The following POF1B variants were observed in gnomAD, a reference collection of about 807,000 sequenced individuals.
POF1B encodes protein POF1B.
POF1B carries 53 observed loss-of-function variants against 55.3 expected under a neutral mutation model. The observed-to-expected ratio is 0.96, with a 90% CI of 0.77 to 1.20. The LOEUF (loss-of-function observed/expected upper bound fraction) is 1.20, where lower values mean the gene tolerates loss of function less well. POF1B is among the 50% of genes most tolerant of loss of function. The pLI, the probability that POF1B is intolerant of heterozygous loss-of-function variation, is 0.00. For synonymous variants in POF1B, 188 were observed against 148.3 expected (o/e 1.27, Z -1.95); for missense variants, 478 against 420.5 (o/e 1.14, Z -1.20).
chrX:85,339,828 T>G (rs1933139728), intron 6 of POF1B, among the ~76,000 whole-genome samples: 1 of 111,474 alleles, frequency 9.0e-6, no homozygotes, highest in African/African-American at 3.3e-5. Flanking sequence ...AGAAGTTTGC[T>G]GAAGGTATAG....
At chrX:85,307,927 TTTCA>T (rs1406912679) in intron 10 of POF1B, among the ~76,000 whole-genome samples, 193 bp downstream of exon 10, 2 of 111,820 alleles carry the variant, frequency 1.8e-5, no homozygotes, top group Non-Finnish European at 3.8e-5. Flanking sequence ...TCCAACATTC[TTTCA>T]TTTATACTTT....
chrX:85,364,328 G>C (rs1933678961), intron 3 of POF1B, among the ~76,000 whole-genome samples: 1 of 111,266 alleles, frequency 9.0e-6, no homozygotes, highest in African/African-American at 3.3e-5. Context: ...TGTTTGTGTG[G>C]CTGCTTTATA....
At chrX:85,374,753 C>T (rs1433677563) in intron 2 of POF1B, among the ~76,000 whole-genome samples, 1 of 111,897 alleles carries the variant, frequency 8.9e-6, no homozygotes, top group Admixed American at 9.5e-5. Context: ...CAAGGCAAAC[C>T]TCCATTTGAA....
chrX:85,306,345 A>G lies in POF1B; in HGVS notation c.1165-12T>C, dbSNP rs1382792632. 1.7e-6 allele frequency: 2 copies of G among 1,200,589 alleles called. No homozygotes were observed. The highest frequency in any genetic ancestry group is 3.6e-5 in the South Asian group (2 of 54,904). ...TCTTGAAGTCCTTGCTGTAAAGAAGACACAAGTACATAAGACAAATGCATT... is the reference window on the plus strand; with the variant it reads ...TCTTGAAGTCCTTGCTGTAAAGAAGGCACAAGTACATAAGACAAATGCATT... On this transcript the variant is annotated splice_polypyrimidine_tract_variant and intron_variant, in intron 11 of 16. Transcript: ENST00000262753.
At chrX:85,344,663 T>C (rs976949068) in intron 6 of POF1B, among the ~76,000 whole-genome samples, 2 of 111,929 alleles carry the variant, frequency 1.8e-5, no homozygotes, top group Non-Finnish European at 3.8e-5. Flanking sequence ...TTATATCTAA[T>C]ACACTTAAGG....
At chrX:85,284,287 C>G (rs977691364) in intron 15 of POF1B, among the ~76,000 whole-genome samples, 10 of 111,164 alleles carry the variant, frequency 9.0e-5, no homozygotes, top group Admixed American at 2.9e-4. Flanking sequence ...ACTTTTTTCA[C>G]AGAATTGGAA....
intron 15 of POF1B, among the ~76,000 whole-genome samples, chrX:85,299,699 G>C (rs756383362): frequency 1.2e-4 from 11 of 94,931 alleles, no homozygotes; most frequent in Admixed American, 5.8e-4. Context: ...TAGTAGAGAC[G>C]GGGTTTCACC....
intron 6 of POF1B, among the ~76,000 whole-genome samples, chrX:85,339,755 G>T (rs1218195468): frequency 9.0e-6 from 1 of 111,049 alleles, no homozygotes; most frequent in Non-Finnish European, 1.9e-5. Flanking sequence ...GAATGGTAGG[G>T]TCACAAAGGG....
intron 7 of POF1B, among the ~76,000 whole-genome samples, chrX:85,322,786 A>G (rs1239681023): frequency 6.2e-5 from 7 of 112,088 alleles, no homozygotes; most frequent in Admixed American, 9.5e-5. Flanking sequence ...TGGGCGAAGG[A>G]CATGAACAGA....
At chrX:85,307,092 C>T (rs1932590225) in intron 11 of POF1B, 71 bp downstream of exon 11, 2 of 802,753 alleles carry the variant, frequency 2.5e-6, no homozygotes, top group Non-Finnish European at 3.6e-6. Flanking sequence ...TCTCATAACT[C>T]CAATGTGCCA....
intron 7 of POF1B, among the ~76,000 whole-genome samples, chrX:85,320,969 G>A (rs1334523695): frequency 2.8e-5 from 3 of 107,387 alleles, no homozygotes; most frequent in Non-Finnish European, 5.9e-5. Context: ...CAACCAAAAA[G>A]AGTCCAGGAC....
At chrX:85,369,360 C>T (rs113902816) in intron 2 of POF1B, among the ~76,000 whole-genome samples, 6,924 of 110,714 alleles carry the variant, frequency 0.063, 391 homozygotes, top group African/African-American at 0.18. Flanking sequence ...AAGAGGGGTG[C>T]TCTTTAGTTA....
chrX:85,300,173 T>G (rs972719297), intron 15 of POF1B, among the ~76,000 whole-genome samples: 5 of 112,013 alleles, frequency 4.5e-5, no homozygotes, highest in African/African-American at 9.8e-5. Context: ...TTCCTGGGAA[T>G]CTAGAAAGCC....
In POF1B at chrX:85,314,488, A is replaced by C. The variant is rs1259248541; in HGVS notation, c.901T>G (p.Leu301Val). 8.4e-7 allele frequency: 1 copy of C among 1,195,335 alleles called. No homozygotes were observed. Among genetic ancestry groups the C allele is most frequent in the Non-Finnish European group, 1.1e-6 (1 of 886,877 alleles). Residue 301 changes from leucine (L) to valine (V), a missense_variant, in exon 9 of 17, where the codon TTG becomes GTG. Physicochemically the swap from Leu to Val is conservative, Grantham distance 32. Coordinates refer to ENST00000262753, the MANE Select transcript of POF1B (RefSeq NM_024921.4). ...AACTCTGATAATCCTTTAGGAATCA[A>C]TGATTCAATGTCTTCCGACTGTAAG... is the stretch of plus-strand genomic sequence containing the variant. ...STDESEDIESLIPKGLSEFTK... is the reference protein window; with the variant it reads ...STDESEDIESVIPKGLSEFTK...
chrX:85,375,580 T>G (rs1021873590), intron 2 of POF1B, among the ~76,000 whole-genome samples: 1 of 112,054 alleles, frequency 8.9e-6, no homozygotes, highest in East Asian at 2.8e-4. Context: ...ATGACCTCAT[T>G]CTTTTTTCAG....
intron 9 of POF1B, among the ~76,000 whole-genome samples, chrX:85,309,418 C>A (rs1932651100): frequency 9.1e-6 from 1 of 110,020 alleles, no homozygotes; most frequent in Non-Finnish European, 1.9e-5. Context: ...CTGTTAATTG[C>A]AGCTAAAAAC....
intron 15 of POF1B, among the ~76,000 whole-genome samples, chrX:85,298,528 C>T (rs968112396): frequency 2.7e-5 from 3 of 111,747 alleles, no homozygotes; most frequent in African/African-American, 9.8e-5. Flanking sequence ...AGCTTTCTCC[C>T]TATTCAGCCT....
chrX:85,371,855 C>T (rs1009699364), intron 2 of POF1B, among the ~76,000 whole-genome samples: 10 of 111,675 alleles, frequency 9.0e-5, no homozygotes, highest in African/African-American at 2.9e-4. Context: ...AGTGTACTCA[C>T]AAGCCTCTAA....
At chrX:85,346,573 T>C (rs1398822508) in intron 5 of POF1B, among the ~76,000 whole-genome samples, 3 of 110,371 alleles carry the variant, frequency 2.7e-5, no homozygotes, top group Non-Finnish European at 5.7e-5. Flanking sequence ...ACTGAAACTT[T>C]AGACCTAGAA....
Sources: allele counts gnomAD v4.1 joint callset (sites outside exome capture counted in the v4.1 genomes callset), GRCh38; gene constraint gnomAD v4.1.1; transcripts MANE v1.5; gene names NCBI Gene and HGNC (gene_info 2026-07-23, HGNC 2026-07-21).